Variants in ENOSF1 observed in about 807,000 individuals in gnomAD.
ENOSF1 encodes enolase superfamily member 1.
ENOSF1 carries 73 observed loss-of-function variants against 68.2 expected under a neutral mutation model. The ratio of observed to expected loss-of-function variants is 1.07; its 90% CI spans 0.89 to 1.30. The LOEUF is 1.30. ENOSF1 is among the 50% of genes most tolerant of loss of function. ENOSF1 has a pLI of 0.00. For synonymous variants in ENOSF1, 223 were observed against 210.4 expected (o/e 1.06, Z -0.52); for missense variants, 589 against 554.5 (o/e 1.06, Z -0.62).
intron 8 of ENOSF1, 85 bp from the exon 9 acceptor site, chr18:688,693 A>G: frequency 8.1e-7 from 1 of 1,235,882 alleles, no homozygotes; most frequent in Non-Finnish European, 1.2e-6. Context: ...CTGTTTCACA[A>G]GCATTACGGT....
At chr18:703,022 G>C (rs1001545058) in intron 2 of ENOSF1, among the ~76,000 whole-genome samples, 2 of 152,182 alleles carry the variant, frequency 1.3e-5, no homozygotes, top group African/African-American at 2.4e-5. Context: ...TGAGTGCTGT[G>C]TAACACATTT....
intron 7 of ENOSF1, 77 bp downstream of exon 7, chr18:690,991 G>A: frequency 2.7e-6 from 4 of 1,501,872 alleles, no homozygotes; most frequent in South Asian, 1.1e-5. Context: ...AAGACAATGT[G>A]TACCCCAAAA....
At chr18:670,084 C>T (rs1381580924), downstream of ENOSF1, among the ~76,000 whole-genome samples, 1 of 148,926 alleles carries the variant, frequency 6.7e-6, no homozygotes, top group Non-Finnish European at 1.5e-5. Context: ...CACCCTGTTG[C>T]CCAGGCTGGA....
At chr18:691,395 G>C (rs1480230974) in intron 5 of ENOSF1, 119 bp from the exon 6 acceptor site, 7 of 784,112 alleles carry the variant, frequency 8.9e-6, no homozygotes, top group Non-Finnish European at 1.4e-5. Flanking sequence ...GCCCAGGCTG[G>C]AGTGCAGTGA....
At chr18:708,423 C>T (rs1039298361) in intron 1 of ENOSF1, among the ~76,000 whole-genome samples, 8 of 152,098 alleles carry the variant, frequency 5.3e-5, no homozygotes, top group South Asian at 4.1e-4. Context: ...GTAATCCCAA[C>T]ACTTTGGGAG....
Position 670,994 on chromosome 18 carries a change from A to G in ENOSF1, c.*3311T>C. The G allele has an allele frequency of 8.3e-7, 1 of 1,209,032 alleles. No homozygotes were observed. 74.9% of individuals were successfully genotyped at this position (1,209,032 alleles called of 1,614,324 possible). On this transcript the variant is annotated 3_prime_UTR_variant, in exon 16 of 16. Transcript: ENST00000647584. ...TTTAAATTTGATATGTGTAAGTAAG[A>G]AATGAACCAGCTTTTACTTTGAAAC...
At chr18:675,928 A>G (rs547490959) in intron 14 of ENOSF1, among the ~76,000 whole-genome samples, 1 of 152,222 alleles carries the variant, frequency 6.6e-6, no homozygotes, top group East Asian at 1.9e-4. Context: ...CTGGAAAACA[A>G]TCCGAACAGG....
chr18:664,607 G>A, the ENOSF1 span, among the ~76,000 whole-genome samples: 2 of 138,276 alleles, frequency 1.4e-5, no homozygotes, highest in African/African-American at 5.8e-5. Flanking sequence ...GTTTTCAAAG[G>A]GAATGCTTCC....
chr18:672,910 T>G lies in ENOSF1; in HGVS notation c.*1395A>C, dbSNP rs1254990580. On this transcript the variant is annotated 3_prime_UTR_variant, in exon 16 of 16. Coordinates refer to ENST00000647584, the MANE Select transcript of ENOSF1 (RefSeq NM_017512.7). ...CAAAGCTCAGGATTCTTCGAAAAGTTGAGAAAATTGATGACTTCAAAGCTG... is the reference window on the plus strand; with the variant it reads ...CAAAGCTCAGGATTCTTCGAAAAGTGGAGAAAATTGATGACTTCAAAGCTG... 1 of 1,598,488 alleles carries G rather than the reference T, an allele frequency of 6.3e-7. No individual in the cohort carries two copies. Among genetic ancestry groups the G allele is most frequent in the Non-Finnish European group, 8.6e-7 (1 of 1,167,836 alleles).
chr18:673,279 T>C lies in ENOSF1; in HGVS notation c.*1026A>G, dbSNP rs1355098695. 6 of 278,418 alleles carry C rather than the reference T, an allele frequency of 2.2e-5. No individual in the cohort carries two copies. The highest frequency in any genetic ancestry group is 3.4e-5 in the Non-Finnish European group (5 of 148,168). The allele number at this position is 278,418 out of a possible 1,614,324, so 17.2% of individuals were successfully genotyped here. ...AATGTATGTGCTCTTAGCAAAAACATGTATGTGCATTTCAATCCCACGTAC... is the reference window on the plus strand; with the variant it reads ...AATGTATGTGCTCTTAGCAAAAACACGTATGTGCATTTCAATCCCACGTAC... On this transcript the variant is annotated 3_prime_UTR_variant, in exon 16 of 16. Coordinates refer to ENST00000647584, the MANE Select transcript of ENOSF1 (RefSeq NM_017512.7).
At chr18:667,731 G>C (rs554933192), downstream of ENOSF1, 1 of 152,190 alleles carries the variant, frequency 6.6e-6, no homozygotes, top group Non-Finnish European at 1.5e-5. Context: ...AAGCTGCTGC[G>C]TGGGCCAAGT....
rs1450894743 is a variant in ENOSF1, at chr18:671,241, C to T, written c.*3064G>A. ...TGGGCAACATAACAAGATGCTGTTG[C>T]TACAAAAAAATGGAAAAGCTACACT... On this transcript the variant is annotated 3_prime_UTR_variant, in exon 16 of 16. Coordinates refer to ENST00000647584, the MANE Select transcript of ENOSF1 (RefSeq NM_017512.7). 2.9e-6 allele frequency: 2 copies of T among 685,298 alleles called. No homozygotes were observed. The highest frequency in any genetic ancestry group is 5.1e-6 in the Non-Finnish European group (2 of 389,944). The allele number at this position is 685,298 out of a possible 1,614,324, so 42.5% of individuals were successfully genotyped here.
chr18:703,321 A>C (rs780028477), intron 2 of ENOSF1, among the ~76,000 whole-genome samples: 12 of 152,158 alleles, frequency 7.9e-5, no homozygotes, highest in African/African-American at 1.2e-4. Flanking sequence ...GGGCCCCTCC[A>C]CGTGTGCCCA....
At chr18:703,389 T>A (rs1598782339) in intron 2 of ENOSF1, among the ~76,000 whole-genome samples, 1 of 22,990 alleles carries the variant, frequency 4.3e-5, no homozygotes, top group African/African-American at 4.2e-4. Context: ...TGGCCTAACA[T>A]TATCTTGTAA....
At position 671,855 on chromosome 18, in the gene ENOSF1, C is replaced by A; in HGVS notation, c.*2450G>T. 1 of 188,708 alleles carries A rather than the reference C, an allele frequency of 5.3e-6. No individual in the cohort carries two copies. The highest frequency in any genetic ancestry group is 6.1e-5 in the Admixed American group (1 of 16,428). 11.7% of individuals were successfully genotyped at this position (188,708 alleles called of 1,614,324 possible). A position where few individuals can be genotyped will look rare whatever the true frequency, so the allele number is the denominator to read the frequency against. On this transcript the variant is annotated 3_prime_UTR_variant, in exon 16 of 16. Coordinates refer to ENST00000647584, the MANE Select transcript of ENOSF1 (RefSeq NM_017512.7). Reference sequence around the variant, plus strand: ...TGTGCCGTGGTGCGATCTCAGCTCACTGCAACCTCCACCTCCCGGGTTCAA... The same window carrying A: ...TGTGCCGTGGTGCGATCTCAGCTCAATGCAACCTCCACCTCCCGGGTTCAA...
In ENOSF1 at chr18:688,608, G is replaced by A. The variant is rs769405425; in HGVS notation, c.619C>T (p.Leu207Phe). 1.2e-6 allele frequency: 2 copies of A among 1,614,032 alleles called. No individual in the cohort carries two copies. The highest frequency in any genetic ancestry group is 1.7e-6 in the Non-Finnish European group (2 of 1,179,970). The change falls in exon 9 of 16, where the codon CTC becomes TTC. Residue 207 changes from leucine to phenylalanine, a missense_variant and splice_region_variant. Leu to Phe is a conservative substitution (Grantham distance 22). Transcript: ENST00000647584. ...CCATCCTTCAGCGCCTGGGCACAGA[G>A]CTGTGGGAAAGGAGCACAGGGTCAC... ...LGYSDDTLKQLCAQALKDGWT... is the reference protein window; with the variant it reads ...LGYSDDTLKQFCAQALKDGWT...
chr18:690,817 C>T, intron 7 of ENOSF1, 186 bp from the exon 8 acceptor site: 1 of 1,450,564 alleles, frequency 6.9e-7, no homozygotes, highest in Non-Finnish European at 9.1e-7. Flanking sequence ...TCACGGACTG[C>T]CCTGCTCCCC....
In ENOSF1 at chr18:689,021, T is replaced by G. The variant is rs143790435; in HGVS notation, c.619-413A>C. Among the ~76,000 whole-genome samples, 315 of 152,290 alleles carry G rather than the reference T, an allele frequency of 2.1e-3. 1 individual carries two copies. The highest frequency in any genetic ancestry group is 7.1e-3 in the African/African-American group (296 of 41,570). ...ATAAATCCACCATGTGCCGACTGCA[T>G]GCCATGTGCCAGCCATGGTGCCTTG... On this transcript the variant is annotated intron_variant, in intron 8 of 15. Transcript: ENST00000647584.
At chr18:686,084 T>C (rs968728547) in intron 9 of ENOSF1, 76 bp from the exon 10 acceptor site, 1 of 972,840 alleles carries the variant, frequency 1.0e-6, no homozygotes, top group African/African-American at 1.6e-5. Flanking sequence ...TCTGCAGAAG[T>C]GACCGTCTCT....
Sources: gnomAD v4.1 joint callset for allele counts (sites outside exome capture counted in the v4.1 genomes callset) on GRCh38, gnomAD v4.1.1 for gene constraint, MANE v1.5 for transcripts, NCBI Gene and HGNC (gene_info 2026-07-23, HGNC 2026-07-21) for gene names.